The following PTPRJ variants were observed in gnomAD, a reference collection of about 807,000 sequenced individuals.
PTPRJ encodes the protein protein tyrosine phosphatase receptor type J, also known as receptor-type tyrosine-protein phosphatase eta.
PTPRJ carries 129 observed loss-of-function variants against 141.3 expected under a neutral mutation model. The ratio of observed to expected loss-of-function variants is 0.91; its 90% confidence interval spans 0.79 to 1.06. The LOEUF (loss-of-function observed/expected upper bound fraction) is 1.06, where lower values mean the gene tolerates loss of function less well. Among genes scored for constraint, PTPRJ ranks in the 50% least tolerant of loss-of-function variants. The pLI is 0.00. For missense variants in PTPRJ, 1,601 were observed against 1,679.7 expected (o/e 0.95, Z 0.82); for synonymous variants, 610 against 640.5 (o/e 0.95, Z 0.72).
chr11:48,094,947 G>C (rs780337663), intron 1 of PTPRJ, among the ~76,000 whole-genome samples: 2 of 152,146 alleles, frequency 1.3e-5, no homozygotes, highest in Non-Finnish European at 2.9e-5. Flanking sequence ...CAGCCCTGAG[G>C]GGGTGAGGGC....
intron 1 of PTPRJ, among the ~76,000 whole-genome samples, chr11:48,064,599 GTATTTATT>G (rs1034092227): frequency 7.5e-6 from 1 of 132,946 alleles, no homozygotes; most frequent in South Asian, 2.2e-4. Context: ...AGCTGCAAAT[GTATTTATT>G]TATTTATTTA....
intron 1 of PTPRJ, among the ~76,000 whole-genome samples, chr11:48,032,703 G>A (rs1854014741): frequency 1.3e-5 from 2 of 152,174 alleles, no homozygotes; most frequent in Admixed American, 1.3e-4. Flanking sequence ...AGGTTGCAGT[G>A]AGCCAAGATC....
intron 22 of PTPRJ, among the ~76,000 whole-genome samples, chr11:48,161,925 T>G (rs1000232262): frequency 1.3e-5 from 2 of 152,216 alleles, no homozygotes; most frequent in Admixed American, 6.5e-5. Context: ...TCATGCTTAT[T>G]TCTATAGATT....
Position 48,169,796 on chromosome 11 carries a change from T to C in PTPRJ, c.*2434T>C, listed in dbSNP as rs541003634. 23 of 152,266 alleles carry C rather than the reference T, an allele frequency of 1.5e-4. No individual in the cohort carries two copies. The East Asian group carries it at 4.2e-3, about 28-fold the overall frequency. The allele number at this position is 152,266 out of a possible 1,614,324, so 9.4% of individuals were successfully genotyped here. On this transcript the variant is annotated 3_prime_UTR_variant, in exon 25 of 25. Coordinates refer to ENST00000418331, the MANE Select transcript of PTPRJ (RefSeq NM_002843.4). ...AGGAACCCTCTTCCCTTCCGCCTGG[T>C]GTGGGCTTGGGAAATGGGCAAGCGG...
At chr11:48,123,136 G>C (rs1299596021) in intron 4 of PTPRJ, among the ~76,000 whole-genome samples, 2 of 152,234 alleles carry the variant, frequency 1.3e-5, no homozygotes, top group East Asian at 3.8e-4. Context: ...CTGGGATATT[G>C]AATGTGCTGC....
intron 3 of PTPRJ, among the ~76,000 whole-genome samples, chr11:48,117,338 C>G (rs1189690318): frequency 6.6e-6 from 1 of 151,696 alleles, no homozygotes; most frequent in African/African-American, 2.4e-5. Flanking sequence ...GTCAGGAGTT[C>G]GAGACCAGCC....
chr11:48,071,648 G>C (rs1358245823), intron 1 of PTPRJ, among the ~76,000 whole-genome samples: 140 of 104,106 alleles, frequency 1.3e-3, no homozygotes, highest in Middle Eastern at 0.021. Context: ...TCGCTCTGTT[G>C]TGCAGGCTGG....
chr11:47,984,621 C>CA (rs1402086148), intron 1 of PTPRJ, among the ~76,000 whole-genome samples: 1 of 151,386 alleles, frequency 6.6e-6, no homozygotes, highest in Non-Finnish European at 1.5e-5. Flanking sequence ...TGCAATGGTG[C>CA]AATCTTGGCT....
chr11:48,109,973 T>C, intron 1 of PTPRJ, 85 bp from the exon 2 acceptor site: 6 of 1,504,180 alleles, frequency 4.0e-6, no homozygotes, highest in Non-Finnish European at 5.5e-6. Flanking sequence ...ACCCCCATTA[T>C]TAAATCCTCA....
At position 48,123,792 on chromosome 11, in the gene PTPRJ, G is replaced by A; in HGVS notation, c.796G>A (p.Val266Ile). 1 of 1,614,054 alleles carries A rather than the reference G, an allele frequency of 6.2e-7. No individual in the cohort carries two copies. The highest frequency in any genetic ancestry group is 8.5e-7 in the Non-Finnish European group (1 of 1,179,986). Reference protein sequence around the residue: ...QVNISGLKPGVQYNINPYLLQ... With the variant: ...QVNISGLKPGIQYNINPYLLQ... ...CAATATCTCGGGCCTGAAGCCAGGG[G>A]TTCAATACAACATCAACCCGTATCT... The change falls in exon 5 of 25, where the codon GTT becomes ATT. Residue 266 changes from valine to isoleucine, a missense_variant. By Grantham distance (29) the Val-to-Ile change is conservative (BLOSUM62 3). Transcript: ENST00000418331.
At chr11:48,025,325 G>A (rs1171023804) in intron 1 of PTPRJ, among the ~76,000 whole-genome samples, 1 of 152,182 alleles carries the variant, frequency 6.6e-6, no homozygotes, top group Admixed American at 6.5e-5. Flanking sequence ...GGCTTCTTGC[G>A]ATGTGAAAGT....
chr11:48,058,632 C>G (rs1487273739), intron 1 of PTPRJ, among the ~76,000 whole-genome samples: 2 of 152,210 alleles, frequency 1.3e-5, no homozygotes, highest in Admixed American at 6.5e-5. Context: ...CCAGCCACCG[C>G]TCTGGTCCAA....
chr11:48,077,998 A>G (rs180875177), intron 1 of PTPRJ, among the ~76,000 whole-genome samples: 128 of 152,232 alleles, frequency 8.4e-4, no homozygotes, highest in African/African-American at 2.9e-3. Context: ...TGATCAGGGA[A>G]GGTTTTAAGG....
In PTPRJ at chr11:48,055,250, A is replaced by G. The variant is rs527788336; in HGVS notation, c.97-54808A>G. Among the ~76,000 whole-genome samples, 3 of 152,200 alleles carry G rather than the reference A, an allele frequency of 2.0e-5. No individual in the cohort carries two copies. In the East Asian group the frequency reaches 5.8e-4, roughly 29 times the overall value. On this transcript the variant is annotated intron_variant, in intron 1 of 24. Transcript: ENST00000418331. ...CTGGCACATGGTAGGCCCTCAAAAGATGACCCTCCAAAGTGGCCAGGACTC... is the reference window on the plus strand; with the variant it reads ...CTGGCACATGGTAGGCCCTCAAAAGGTGACCCTCCAAAGTGGCCAGGACTC...
chr11:48,071,639 C>T (rs1278745010), intron 1 of PTPRJ, among the ~76,000 whole-genome samples: 4 of 116,226 alleles, frequency 3.4e-5, no homozygotes, highest in South Asian at 3.2e-4. Flanking sequence ...GATGGAGTCT[C>T]GCTCTGTTGT....
intron 1 of PTPRJ, among the ~76,000 whole-genome samples, chr11:48,032,828 AAC>A (rs1312566298): frequency 6.6e-6 from 1 of 152,214 alleles, no homozygotes; most frequent in Non-Finnish European, 1.5e-5. Flanking sequence ...CAATTTATTC[AAC>A]ACAGTTTGTT....
intron 3 of PTPRJ, among the ~76,000 whole-genome samples, chr11:48,119,857 C>G (rs2134337484): frequency 6.6e-6 from 1 of 152,336 alleles, no homozygotes; most frequent in East Asian, 1.9e-4. Flanking sequence ...TGCCGTATCA[C>G]CTGGGTTTTA....
intron 1 of PTPRJ, among the ~76,000 whole-genome samples, chr11:48,084,173 T>TG (rs1311516324): frequency 1.3e-5 from 2 of 152,070 alleles, no homozygotes; most frequent in African/African-American, 4.8e-5. Context: ...TTGTTGTTGT[T>TG]TTGTTTTTTA....
intron 1 of PTPRJ, among the ~76,000 whole-genome samples, chr11:47,994,839 G>A (rs766125164): frequency 7.9e-5 from 12 of 152,112 alleles, no homozygotes; most frequent in Non-Finnish European, 1.3e-4. Flanking sequence ...GACATATTAT[G>A]GACTGGATAC....
Sources: allele counts gnomAD v4.1 joint callset (sites outside exome capture counted in the v4.1 genomes callset), GRCh38; gene constraint gnomAD v4.1.1; transcripts MANE v1.5; gene names NCBI Gene and HGNC (gene_info 2026-07-23, HGNC 2026-07-21).